KNDC1: variants seen among roughly 807,000 people sequenced by gnomAD.
The protein encoded by KNDC1 is kinase non-catalytic C-lobe domain-containing protein 1.
Under a neutral mutation model 172.8 loss-of-function variants are expected in KNDC1, and 106 were observed. That is an observed-to-expected ratio of 0.61 (90% CI 0.52 to 0.72). The LOEUF (loss-of-function observed/expected upper bound fraction) is 0.72, where lower values mean the gene tolerates loss of function less well. KNDC1 is among the 30% of genes least tolerant of loss of function. KNDC1 has a pLI of 0.00. For missense variants in KNDC1, 2,325 were observed against 2,394.5 expected, an observed-to-expected ratio of 0.97 and a Z score of 0.61; for synonymous variants, 1,083 against 1,062.2, an observed-to-expected ratio of 1.02 and a Z score of -0.38.
chr10:133,211,618 G>A (rs1347359321), intron 22 of KNDC1, 49 bp downstream of exon 22: 3 of 1,600,826 alleles, frequency 1.9e-6, no homozygotes, highest in Non-Finnish European at 2.6e-6. Flanking sequence ...TCCCACAGTG[G>A]GAGGTGCCGC....
rs148421196 is a variant in KNDC1 at position 133,201,577 on chromosome 10, G to C, written c.3066G>C (p.Ser1022=). 180 of 1,612,810 alleles carry C rather than the reference G, an allele frequency of 1.1e-4. No homozygotes were observed. The highest frequency in any genetic ancestry group is 1.5e-4 in the Non-Finnish European group (174 of 1,179,936). Reference sequence around the variant, plus strand: ...CCACCTCGGTGTCGGATGTGGACTCGGACGCACTGTCACGGGGAAACTTCG... The same window carrying C: ...CCACCTCGGTGTCGGATGTGGACTCCGACGCACTGTCACGGGGAAACTTCG... ...CSPTSVSDVD[S]DALSRGNFEV... Residue 1022 remains serine, a synonymous_variant, in exon 17 of 30, where the codon TCG becomes TCC. Transcript: ENST00000304613.
In KNDC1 at chr10:133,201,758, C is replaced by T. The variant is rs965784250; in HGVS notation, c.3247C>T (p.Pro1083Ser). Residue 1083 changes from proline to serine, a missense_variant, in exon 17 of 30, where the codon CCA becomes TCA. Transcript: ENST00000304613. ...GGTCGGCCCAGCCTTGTCCCCCGGC[C>T]CAGCCGGATTCCAGAGCTGCAGCCC... Reference protein sequence around the residue: ...KGVGPALSPGPAGFQSCSPGW... With the variant: ...KGVGPALSPGSAGFQSCSPGW... 1 of 1,566,038 alleles carries T rather than the reference C, an allele frequency of 6.4e-7. No homozygotes were observed. The highest frequency in any genetic ancestry group is 2.3e-5 in the East Asian group (1 of 44,278).
chr10:133,173,272 C>T, intron 3 of KNDC1, among the ~76,000 whole-genome samples: 1 of 152,166 alleles, frequency 6.6e-6, no homozygotes, highest in East Asian at 1.9e-4. Context: ...TTTTCTTTTC[C>T]ATTGATTCTT....
At chr10:133,219,803 G>A in intron 28 of KNDC1, 152 bp from the exon 29 acceptor site, 3 of 732,790 alleles carry the variant, frequency 4.1e-6, no homozygotes, top group South Asian at 2.2e-5. Flanking sequence ...GGAACATTCG[G>A]GACTGGAAGC....
intron 3 of KNDC1, among the ~76,000 whole-genome samples, chr10:133,177,724 T>C (rs1007249671): frequency 7.2e-5 from 11 of 151,864 alleles, no homozygotes; most frequent in Non-Finnish European, 1.5e-4. Context: ...TGGTATGGTG[T>C]GTTGTGGCCA....
At chr10:133,165,977 A>G (rs1310729597) in intron 1 of KNDC1, among the ~76,000 whole-genome samples, 1 of 152,200 alleles carries the variant, frequency 6.6e-6, no homozygotes, top group African/African-American at 2.4e-5. Flanking sequence ...CCAGGACCCC[A>G]CGAACAGACG....
chr10:133,211,146 G>A lies in KNDC1; in HGVS notation c.3909-276G>A, dbSNP rs535735356. 1.8e-4 allele frequency among the ~76,000 whole-genome samples: 28 copies of A among 152,162 alleles called. No individual in the cohort carries two copies. The East Asian group carries it at 4.8e-3, about 26-fold the overall frequency. ...GTCAGGAGAGGGGTGGTGGGCTGAG[G>A]GGGGAGGGGCTCTGCCTCTCTCTGG... On this transcript the variant is annotated intron_variant, in intron 21 of 29. Transcript: ENST00000304613.
chr10:133,199,585 G>A lies in KNDC1; in HGVS notation c.2886G>A (p.Gln962=). The A allele has an allele frequency of 6.2e-7, 1 of 1,613,562 alleles. No individual in the cohort carries two copies. Among genetic ancestry groups the A allele is most frequent in the Non-Finnish European group, 8.5e-7 (1 of 1,179,958 alleles). ...LQNLFKVVNG[Q]ASPSPSTAEE... ...ACCTCTTTAAGGTGGTCAACGGGCA[G>A]GCGTCACCCTCCCCAAGGTGGGTGC... The change falls in exon 15 of 30, where the codon CAG becomes CAA. Residue 962 remains glutamine (Q), a synonymous_variant. Coordinates refer to ENST00000304613, the MANE Select transcript of KNDC1 (RefSeq NM_152643.8).
At position 133,198,978 on chromosome 10, in the gene KNDC1, G is replaced by A. The variant is rs371445862; in HGVS notation, c.2470G>A (p.Gly824Ser). 400 of 1,547,084 alleles carry A rather than the reference G, an allele frequency of 2.6e-4. 1 individual carries two copies. In the Middle Eastern group the frequency reaches 5.8e-3, roughly 23 times the overall value. ...CCTGGGGCCCACCACGGCCCACCAC[G>A]GCCCACGCCACCCGCCCAAGCCCCC... Reference protein sequence around the residue: ...DALGPTTAHHGPRHPPKPPRS... With the variant: ...DALGPTTAHHSPRHPPKPPRS... The change falls in exon 14 of 30, where the codon GGC becomes AGC. Residue 824 changes from glycine to serine, a missense_variant. Gly to Ser is a moderately conservative substitution (Grantham distance 56). Transcript: ENST00000304613.
rs112794542 is a variant in KNDC1 at position 133,220,722 on chromosome 10, A to T, written c.5018+610A>T. On this transcript the variant is annotated intron_variant, in intron 29 of 29. Coordinates refer to ENST00000304613, the MANE Select transcript of KNDC1 (RefSeq NM_152643.8). ...GGGCTCAGGCGGGCGCGCGCCCAGG[A>T]GAGGAGGGGCTCAGGCGGCCGCGCG... Among the ~76,000 whole-genome samples the T allele has an allele frequency of 1.4e-3, 53 of 39,198 alleles. 2 individuals carry two copies. The highest frequency in any genetic ancestry group is 2.6e-3 in the African/African-American group (22 of 8,338). 25.7% of individuals were successfully genotyped at this position (39,198 alleles called of 152,430 possible).
chr10:133,183,259 A>T, intron 3 of KNDC1, 85 bp from the exon 4 acceptor site: 1 of 1,414,252 alleles, frequency 7.1e-7, no homozygotes. Context: ...CTGAAACTTG[A>T]GCTCCTGGCC....
Position 133,207,232 on chromosome 10 carries a change from C to T in KNDC1, c.3675C>T (p.Pro1225=), listed in dbSNP as rs1429256408. ...AAPCDTLDFS[P]LDESSSLIFY... The stretch of plus-strand genomic sequence containing the variant: ...CCTGCGACACGCTGGACTTCAGCCC[C>T]CTGGACGAGTCCTCCTCGCTCATCT... The change falls in exon 20 of 30, where the codon CCC becomes CCT. Residue 1225 remains proline (P), a synonymous_variant. Coordinates refer to ENST00000304613, the MANE Select transcript of KNDC1 (RefSeq NM_152643.8). The T allele has an allele frequency of 4.3e-6, 7 of 1,612,782 alleles. No individual in the cohort carries two copies. Among genetic ancestry groups the T allele is most frequent in the Non-Finnish European group, 5.9e-6 (7 of 1,179,966 alleles).
chr10:133,215,619 G>T (rs1258717394), intron 26 of KNDC1, among the ~76,000 whole-genome samples: 1 of 152,272 alleles, frequency 6.6e-6, no homozygotes, highest in Non-Finnish European at 1.5e-5. Flanking sequence ...GCTTCATGAG[G>T]ATGAGCACAA....
intron 17 of KNDC1, among the ~76,000 whole-genome samples, chr10:133,204,527 C>A (rs1337565469): frequency 6.6e-6 from 1 of 152,036 alleles, no homozygotes; most frequent in Non-Finnish European, 1.5e-5. Context: ...ACTGCCGTAG[C>A]GGGGAGCCTG....
intron 16 of KNDC1, among the ~76,000 whole-genome samples, chr10:133,200,704 C>T (rs1854339940): frequency 6.6e-6 from 1 of 152,140 alleles, no homozygotes. Flanking sequence ...AGCCAAAGGC[C>T]GTCCTCTTCT....
chr10:133,216,393 G>A (rs779971854), intron 26 of KNDC1, among the ~76,000 whole-genome samples: 3 of 152,194 alleles, frequency 2.0e-5, no homozygotes, highest in African/African-American at 4.8e-5. Context: ...TTAAGAAAAC[G>A]CAGGCCGGTC....
intron 7 of KNDC1, 104 bp downstream of exon 7, chr10:133,188,757 CCCA>C (rs1853996771): frequency 1.7e-6 from 1 of 583,918 alleles, no homozygotes; most frequent in African/African-American, 2.8e-5. Context: ...CCCACACCGT[CCCA>C]CGCCCCCCCA....
At chr10:133,211,306 T>A in intron 21 of KNDC1, 116 bp from the exon 22 acceptor site, 366 of 532,276 alleles carry the variant, frequency 6.9e-4, no homozygotes, top group East Asian at 1.8e-3. Flanking sequence ...CTAAGCCCCC[T>A]GCACACATGG....
At chr10:133,213,944 G>A in intron 25 of KNDC1, 28 bp from the exon 26 acceptor site, 1 of 1,613,778 alleles carries the variant, frequency 6.2e-7, no homozygotes, top group Non-Finnish European at 8.5e-7. Flanking sequence ...AAGTCCTGGG[G>A]GTGACAGGGA....
Sources: allele counts gnomAD v4.1 joint callset (sites outside exome capture counted in the v4.1 genomes callset), GRCh38; gene constraint gnomAD v4.1.1; transcripts MANE v1.5; gene names NCBI Gene and HGNC (gene_info 2026-07-23, HGNC 2026-07-21).